USP24: variants seen among roughly 807,000 people sequenced by gnomAD.
USP24 encodes ubiquitin carboxyl-terminal hydrolase 24.
A neutral mutation model predicts 361.6 loss-of-function variants in USP24; 97 were observed. The observed-to-expected ratio is 0.27, with a 90% confidence interval of 0.23 to 0.32. USP24 has a LOEUF of 0.32. Ranked by LOEUF, USP24 falls within the 10% of genes least tolerant of loss-of-function variation. The pLI, the probability that USP24 is intolerant of heterozygous loss-of-function variation, is 1.00. For synonymous variants in USP24, 1,098 were observed against 1,124.6 expected (o/e 0.98, Z 0.47); for missense variants, 2,353 against 3,165.6 (o/e 0.74, Z 6.16).
At chr1:55,206,457 A>G (rs965281166) in intron 1 of USP24, among the ~76,000 whole-genome samples, 1 of 152,138 alleles carries the variant, frequency 6.6e-6, no homozygotes, top group Admixed American at 6.5e-5. Context: ...AATAGCAGCT[A>G]AACTGCAAAA....
chr1:55,123,349 ACC>A, intron 36 of USP24, 96 bp downstream of exon 36: 1 of 1,343,762 alleles, frequency 7.4e-7, no homozygotes, highest in Non-Finnish European at 9.8e-7. Context: ...TTTCATTTTG[ACC>A]AATGGGACCT....
At chr1:55,094,506 C>T (rs1008498495) in intron 51 of USP24, among the ~76,000 whole-genome samples, 12 of 151,920 alleles carry the variant, frequency 7.9e-5, no homozygotes, top group Non-Finnish European at 1.8e-4. Context: ...AGTATTGAAC[C>T]AAGTTTTCAA....
In USP24 at chr1:55,098,471, C is replaced by T. The variant is rs1157748613; in HGVS notation, c.5453+5G>A. 1 of 1,607,516 alleles carries T rather than the reference C, an allele frequency of 6.2e-7. No individual in the cohort carries two copies. Among genetic ancestry groups the T allele is most frequent in the Non-Finnish European group, 8.5e-7 (1 of 1,175,180 alleles). On this transcript the variant is annotated splice_donor_5th_base_variant and intron_variant, in intron 46 of 67. Transcript: ENST00000294383. The stretch of plus-strand genomic sequence containing the variant: ...TTTTCCTGTGTCGGTGATATCTTCA[C>T]TCACCTGTGAGGACAGTCTTTACAG...
intron 58 of USP24, among the ~76,000 whole-genome samples, chr1:55,082,344 C>A (rs904812580): frequency 1.3e-5 from 2 of 152,124 alleles, no homozygotes; most frequent in African/African-American, 2.4e-5. Context: ...AAGTATACCA[C>A]AATAAAGTGA....
chr1:55,078,499 A>C, intron 61 of USP24, 39 bp downstream of exon 61: 1 of 1,537,768 alleles, frequency 6.5e-7, no homozygotes. Flanking sequence ...GTCTCACTTA[A>C]AGGCTATCTG....
chr1:55,127,471 T>C (rs1398911970), intron 32 of USP24, among the ~76,000 whole-genome samples: 1 of 152,254 alleles, frequency 6.6e-6, no homozygotes, highest in Non-Finnish European at 1.5e-5. Flanking sequence ...CTATCATTGT[T>C]GGACATTTGG....
intron 57 of USP24, 109 bp from the exon 58 acceptor site, chr1:55,083,473 A>G: frequency 1.9e-6 from 2 of 1,065,224 alleles, no homozygotes; most frequent in Middle Eastern, 2.8e-4. Flanking sequence ...TTTTTTAAGA[A>G]TATTATTTCC....
At chr1:55,149,725 T>C (rs967118336) in intron 16 of USP24, among the ~76,000 whole-genome samples, 24 of 152,342 alleles carry the variant, frequency 1.6e-4, no homozygotes, top group African/African-American at 5.3e-4. Flanking sequence ...TGTGCTTACC[T>C]GAGTATGTGC....
At chr1:55,079,034 A>G (rs902637180) in intron 60 of USP24, among the ~76,000 whole-genome samples, 5 of 152,234 alleles carry the variant, frequency 3.3e-5, no homozygotes, top group East Asian at 1.9e-4. Flanking sequence ...ATAGATTCAC[A>G]TATCTGTAAA....
At chr1:55,113,234 A>C (rs986380323) in intron 38 of USP24, among the ~76,000 whole-genome samples, 1 of 152,152 alleles carries the variant, frequency 6.6e-6, no homozygotes, top group African/African-American at 2.4e-5. Flanking sequence ...AAAACTACCA[A>C]CAGAGAATAC....
intron 8 of USP24, among the ~76,000 whole-genome samples, chr1:55,160,055 T>C (rs777870289): frequency 6.6e-6 from 1 of 152,242 alleles, no homozygotes; most frequent in African/African-American, 2.4e-5. Flanking sequence ...ATGGAAATTA[T>C]GCTGTCATAT....
chr1:55,197,824 T>C (rs1056108203), intron 1 of USP24, among the ~76,000 whole-genome samples: 6 of 152,238 alleles, frequency 3.9e-5, no homozygotes, highest in African/African-American at 9.6e-5. Flanking sequence ...TCAACTGAAA[T>C]CTATCTCCAC....
intron 28 of USP24, among the ~76,000 whole-genome samples, chr1:55,134,741 G>A (rs1646687209): frequency 6.6e-6 from 1 of 152,212 alleles, no homozygotes; most frequent in Non-Finnish European, 1.5e-5. Context: ...AGGCACCACT[G>A]AGCTAATGAC....
intron 20 of USP24, 73 bp from the exon 21 acceptor site, chr1:55,144,276 G>T: frequency 9.8e-7 from 1 of 1,020,792 alleles, no homozygotes; most frequent in Non-Finnish European, 1.4e-6. Flanking sequence ...GACTCAAAGT[G>T]GATCAAGAAC....
chr1:55,072,437 G>A, intron 65 of USP24, 34 bp from the exon 66 acceptor site: 1 of 1,552,482 alleles, frequency 6.4e-7, no homozygotes, highest in Non-Finnish European at 8.8e-7. Context: ...CATCAGAGGT[G>A]ACAAATAAGC....
intron 1 of USP24, among the ~76,000 whole-genome samples, chr1:55,202,017 G>C (rs1200412140): frequency 1.3e-5 from 2 of 152,186 alleles, no homozygotes; most frequent in Non-Finnish European, 2.9e-5. Flanking sequence ...GGTGAGAGAG[G>C]AGGGCATGCC....
Position 55,107,336 on chromosome 1 carries a change from T to C in USP24, c.4665A>G (p.Glu1555=), listed in dbSNP as rs756616623. ...TGTTGTCCGCTTCACTGGTCTCACA[T>C]TCAGCTGTACGATTAGGTTCAAAGT... ...LDNFEPNRTA[E]CETSEADNIL... is the part of the protein sequence containing the mutation. The change falls in exon 40 of 68, where the codon GAA becomes GAG. Residue 1555 remains glutamate (E), a synonymous_variant. Coordinates refer to ENST00000294383, the MANE Select transcript of USP24 (RefSeq NM_015306.3). 3 of 1,613,974 alleles carry C rather than the reference T, an allele frequency of 1.9e-6. No homozygotes were observed. Among genetic ancestry groups the C allele is most frequent in the Non-Finnish European group, 2.5e-6 (3 of 1,179,870 alleles).
intron 16 of USP24, among the ~76,000 whole-genome samples, chr1:55,151,745 C>A (rs933261463): frequency 6.6e-6 from 1 of 151,840 alleles, no homozygotes. Context: ...GGGTACCCTG[C>A]AGAATCTACA....
chr1:55,089,425 T>C (rs1247493891), intron 55 of USP24, among the ~76,000 whole-genome samples: 2 of 152,198 alleles, frequency 1.3e-5, no homozygotes, highest in Admixed American at 6.5e-5. Flanking sequence ...CACAGGCTCT[T>C]CTTGTGGTCA....
Sources: gnomAD v4.1 joint callset for allele counts (sites outside exome capture counted in the v4.1 genomes callset) on GRCh38, gnomAD v4.1.1 for gene constraint, MANE v1.5 for transcripts, NCBI Gene and HGNC (gene_info 2026-07-23, HGNC 2026-07-21) for gene names.